PCED1B: variants seen among roughly 807,000 people sequenced by gnomAD.
PCED1B encodes PC-esterase domain containing 1B.
For missense variants in PCED1B, 573 were observed against 573.9 expected (o/e 1.00, Z 0.02); for synonymous variants, 251 against 246.1 (o/e 1.02, Z -0.19).
chr12:47,221,601 T>C (rs1943479686), intron 3 of PCED1B, among the ~76,000 whole-genome samples: 1 of 152,226 alleles, frequency 6.6e-6, no homozygotes, highest in Admixed American at 6.5e-5. Flanking sequence ...AAGCAAAGTA[T>C]ATTTCCACCC....
chr12:47,143,191 G>T (rs561427926), intron 2 of PCED1B, among the ~76,000 whole-genome samples: 1 of 152,136 alleles, frequency 6.6e-6, no homozygotes, highest in South Asian at 2.1e-4. Flanking sequence ...ATTCTATTCA[G>T]TATAGTATTG....
At chr12:47,135,488 A>G (rs901828982) in intron 2 of PCED1B, 4 of 452,888 alleles carry the variant, frequency 8.8e-6, no homozygotes, top group South Asian at 5.5e-5. Context: ...CTCCTGTTCT[A>G]TCGAGAGACT....
Position 47,195,076 on chromosome 12 carries a change from A to G in PCED1B, c.-525-21146A>G, listed in dbSNP as rs11183788. ...GCCGGGCGCGGTGGCTCACGCCTAT[A>G]ATCCCAGCATTTGGGAGGCGGAGGC... is the stretch of plus-strand genomic sequence containing the variant. On this transcript the variant is annotated intron_variant, in intron 2 of 3. Coordinates refer to ENST00000546455, the MANE Select transcript of PCED1B (RefSeq NM_138371.3). Among the ~76,000 whole-genome samples the G allele has an allele frequency of 0.011, 1,636 of 152,336 alleles. 82 individuals are homozygous for G. In the East Asian group the frequency reaches 0.15, roughly 14 times the overall value.
intron 2 of PCED1B, chr12:47,135,777 G>T (rs573822006): frequency 7.7e-6 from 4 of 521,900 alleles, no homozygotes; most frequent in East Asian, 5.4e-5. Flanking sequence ...CATGGTGAAC[G>T]CTGGAGGCAC....
chr12:47,170,654 T>C (rs1941700379), intron 2 of PCED1B, among the ~76,000 whole-genome samples: 1 of 152,232 alleles, frequency 6.6e-6, no homozygotes, highest in South Asian at 2.1e-4. Flanking sequence ...CATTTTTCAG[T>C]CTTTAAAAAA....
chr12:47,084,570 T>G (rs572676084), intron 1 of PCED1B, among the ~76,000 whole-genome samples: 2 of 152,328 alleles, frequency 1.3e-5, no homozygotes, highest in South Asian at 2.1e-4. Flanking sequence ...TCAATATGTG[T>G]TTTTTTGTGT....
intron 2 of PCED1B, among the ~76,000 whole-genome samples, chr12:47,208,065 C>A (rs776268655): frequency 1.3e-5 from 2 of 151,508 alleles, no homozygotes; most frequent in Non-Finnish European, 2.9e-5. Flanking sequence ...GCAGTGTAAA[C>A]AATTGTAAAG....
chr12:47,185,318 A>T (rs553255461), intron 2 of PCED1B, among the ~76,000 whole-genome samples: 2 of 152,322 alleles, frequency 1.3e-5, no homozygotes, highest in East Asian at 3.9e-4. Context: ...ACAAGAAGAG[A>T]ACGCTATGTG....
At chr12:47,176,040 CTGGCA>C (rs774820030) in intron 2 of PCED1B, among the ~76,000 whole-genome samples, 5 of 151,764 alleles carry the variant, frequency 3.3e-5, no homozygotes, top group Non-Finnish European at 7.4e-5. Context: ...CCTTTTAATA[CTGGCA>C]TGCCCTAGCC....
intron 3 of PCED1B, among the ~76,000 whole-genome samples, chr12:47,234,147 C>T (rs760867803): frequency 6.6e-6 from 1 of 152,148 alleles, no homozygotes; most frequent in Non-Finnish European, 1.5e-5. Context: ...CGCCACCACG[C>T]CCGGCTAATT....
At chr12:47,164,879 A>G (rs1031244399) in intron 2 of PCED1B, among the ~76,000 whole-genome samples, 40 of 152,228 alleles carry the variant, frequency 2.6e-4, no homozygotes, top group South Asian at 4.1e-4. Flanking sequence ...TTGAGTCACA[A>G]TGAATTGGCT....
chr12:47,146,928 G>A (rs1940808315), intron 2 of PCED1B, among the ~76,000 whole-genome samples: 1 of 148,362 alleles, frequency 6.7e-6, no homozygotes, highest in Non-Finnish European at 1.5e-5. Flanking sequence ...ACTGTATGCA[G>A]TTTAAAGTAG....
In PCED1B at chr12:47,175,352, A is replaced by T. The variant is rs530063302; in HGVS notation, c.-525-40870A>T. On this transcript the variant is annotated intron_variant, in intron 2 of 3. Coordinates refer to ENST00000546455, the MANE Select transcript of PCED1B (RefSeq NM_138371.3). ...CATGTTAATTTGGGGTGGCAAATTG[A>T]TATTAACTTGCACAGTATCTTTATA... Among the ~76,000 whole-genome samples, 452 of 152,284 alleles carry T rather than the reference A, an allele frequency of 3.0e-3. 11 individuals are homozygous for T. The highest frequency in any genetic ancestry group is 1.5e-3 in the Non-Finnish European group (102 of 68,026).
At chr12:47,137,663 G>T (rs1303201109) in intron 2 of PCED1B, among the ~76,000 whole-genome samples, 2 of 149,694 alleles carry the variant, frequency 1.3e-5, no homozygotes, top group Non-Finnish European at 3.0e-5. Flanking sequence ...TGGAGGTTGA[G>T]GCTGCATTGA....
intron 1 of PCED1B, among the ~76,000 whole-genome samples, chr12:47,089,966 T>C (rs1938193071): frequency 4.6e-5 from 7 of 152,032 alleles, no homozygotes; most frequent in Admixed American, 4.6e-4. Context: ...AGAGACAGGG[T>C]TTCACCATGT....
chr12:47,089,461 C>CATGTATGTATATATATATATATATAT (rs1233280547), intron 1 of PCED1B, among the ~76,000 whole-genome samples: 1 of 63,398 alleles, frequency 1.6e-5, no homozygotes, highest in Non-Finnish European at 2.9e-5. Flanking sequence ...AAAAAAAATA[C>CATGTATGTATATATATATATATATAT]ATATATATAT....
intron 2 of PCED1B, among the ~76,000 whole-genome samples, chr12:47,191,858 C>CT (rs1942451674): frequency 6.6e-6 from 1 of 151,800 alleles, no homozygotes; most frequent in African/African-American, 2.4e-5. Context: ...ACTTGCCTGC[C>CT]TTTCTCTTTG....
rs189094482 is a variant in PCED1B, at chr12:47,232,796, A to T, written c.-57-2211A>T. Among the ~76,000 whole-genome samples, 520 of 152,316 alleles carry T rather than the reference A, an allele frequency of 3.4e-3. 2 individuals are homozygous for T. The highest frequency in any genetic ancestry group is 4.7e-3 in the Non-Finnish European group (320 of 68,032). On this transcript the variant is annotated intron_variant, in intron 3 of 3. Coordinates refer to ENST00000546455, the MANE Select transcript of PCED1B (RefSeq NM_138371.3). ...TTTTCTCTACTCTTTTAGCATCAGTACTTGGGGGCGTATAGATTAAACTAA... is the reference window on the plus strand; with the variant it reads ...TTTTCTCTACTCTTTTAGCATCAGTTCTTGGGGGCGTATAGATTAAACTAA...
At chr12:47,230,346 A>T (rs750428246) in intron 3 of PCED1B, among the ~76,000 whole-genome samples, 1 of 152,134 alleles carries the variant, frequency 6.6e-6, no homozygotes, top group Non-Finnish European at 1.5e-5. Context: ...GGCCTCCCAA[A>T]GTGCTGGGAT....
Sources: gnomAD v4.1 joint callset for allele counts (sites outside exome capture counted in the v4.1 genomes callset) on GRCh38, gnomAD v4.1.1 for gene constraint, MANE v1.5 for transcripts, NCBI Gene and HGNC (gene_info 2026-07-23, HGNC 2026-07-21) for gene names.